TRDN: variants seen among roughly 807,000 people sequenced by gnomAD.
The protein encoded by TRDN is triadin in skeletal muscle.
TRDN carries 161 observed loss-of-function variants against 149.7 expected under a neutral mutation model. The ratio of observed to expected loss-of-function variants is 1.08; its 90% confidence interval spans 0.95 to 1.23. TRDN has a LOEUF of 1.23. Among genes scored for constraint, TRDN ranks in the 50% most tolerant of loss-of-function variants. The pLI, the probability that TRDN is intolerant of heterozygous loss-of-function variation, is 0.00. For synonymous variants in TRDN, 294 were observed against 250.5 expected, an observed-to-expected ratio of 1.17 and a Z score of -1.64; for missense variants, 896 against 823.5, an observed-to-expected ratio of 1.09 and a Z score of -1.08.
rs146647781 is a variant in TRDN at position 123,551,671 on chromosome 6, G to T, written c.233-3059C>A. Among the ~76,000 whole-genome samples, 20 of 151,856 alleles carry T rather than the reference G, an allele frequency of 1.3e-4. No individual in the cohort carries two copies. In the East Asian group the frequency reaches 3.7e-3, roughly 28 times the overall value. ...TCTTCTCAATAACCCAATGACATAG[G>T]TATATTATTTTATACCTTTTTTAAA... is the stretch of plus-strand genomic sequence containing the variant. On this transcript the variant is annotated intron_variant, in intron 2 of 40. Transcript: ENST00000334268.
At chr6:123,223,459 A>T (rs765283849) in intron 39 of TRDN, among the ~76,000 whole-genome samples, 9 of 151,822 alleles carry the variant, frequency 5.9e-5, no homozygotes, top group Admixed American at 5.9e-4. Context: ...TTTCTTTTTA[A>T]CATAATGCCT....
chr6:123,310,572 T>C (rs1357279064), intron 24 of TRDN, among the ~76,000 whole-genome samples: 1 of 151,982 alleles, frequency 6.6e-6, no homozygotes, highest in East Asian at 1.9e-4. Context: ...AGTCATTATA[T>C]GACAACTTAA....
chr6:123,502,615 T>C (rs1778747023), intron 8 of TRDN: 1 of 984,780 alleles, frequency 1.0e-6, no homozygotes, highest in African/African-American at 1.7e-5. Context: ...TACGAGTGCA[T>C]TGCAAATTTC....
At chr6:123,545,183 A>T (rs1781052123) in intron 4 of TRDN, among the ~76,000 whole-genome samples, 1 of 152,012 alleles carries the variant, frequency 6.6e-6, no homozygotes, top group African/African-American at 2.4e-5. Context: ...AGTCATTTAG[A>T]TGTGTAAAAA....
intron 4 of TRDN, among the ~76,000 whole-genome samples, chr6:123,533,540 G>A (rs1780355939): frequency 6.6e-6 from 1 of 152,084 alleles, no homozygotes; most frequent in African/African-American, 2.4e-5. Flanking sequence ...CAAGGTAGGT[G>A]TAAGTTTGCA....
chr6:123,631,318 T>G (rs1583351786), intron 1 of TRDN, among the ~76,000 whole-genome samples: 1 of 152,150 alleles, frequency 6.6e-6, no homozygotes, highest in Middle Eastern at 3.4e-3. Context: ...TTTTTAGAAC[T>G]ATTTTTTCTT....
intron 2 of TRDN, among the ~76,000 whole-genome samples, chr6:123,560,544 T>A (rs1781929736): frequency 6.6e-6 from 1 of 152,108 alleles, no homozygotes; most frequent in Admixed American, 6.5e-5. Flanking sequence ...ACAACGCTTA[T>A]CCTGATAAGG....
At chr6:123,552,653 A>G (rs182140933) in intron 2 of TRDN, among the ~76,000 whole-genome samples, 1 of 152,236 alleles carries the variant, frequency 6.6e-6, no homozygotes, top group East Asian at 1.9e-4. Flanking sequence ...TCTTCATCAT[A>G]TATTTTTGCA....
chr6:123,352,275 C>CTTCAGCA lies in TRDN; in HGVS notation c.1369+257_1369+263dup, dbSNP rs1465838547. 3 of 985,014 alleles carry CTTCAGCA rather than the reference C, an allele frequency of 3.0e-6. No individual in the cohort carries two copies. In the African/African-American group the frequency reaches 5.2e-5, roughly 17 times the overall value. 61.0% of individuals were successfully genotyped at this position (985,014 alleles called of 1,614,324 possible). On this transcript the variant is annotated intron_variant, in intron 21 of 40. Coordinates refer to ENST00000334268, the MANE Select transcript of TRDN (RefSeq NM_006073.4). ...GGATCATTGTCTTATTCCCAGCAAT[C>CTTCAGCA]TTCAGCATGTCCCCTGATGTAATTA...
At chr6:123,529,532 C>G (rs977602281) in intron 5 of TRDN, 1 of 617,378 alleles carries the variant, frequency 1.6e-6, no homozygotes, top group Non-Finnish European at 2.9e-6. Flanking sequence ...AAAACAACAG[C>G]AACAACATGG....
chr6:123,569,463 C>G (rs550432330), intron 2 of TRDN, among the ~76,000 whole-genome samples: 94 of 152,298 alleles, frequency 6.2e-4, no homozygotes, highest in African/African-American at 2.2e-3. Flanking sequence ...AGCAATACCC[C>G]ACTACTGGTG....
chr6:123,309,588 T>C (rs1778737927), intron 24 of TRDN, among the ~76,000 whole-genome samples: 1 of 151,992 alleles, frequency 6.6e-6, no homozygotes. Flanking sequence ...CATCATACTT[T>C]ATAGTAATTT....
chr6:123,381,038 G>C (rs1582944140), intron 16 of TRDN, among the ~76,000 whole-genome samples: 1 of 152,056 alleles, frequency 6.6e-6, no homozygotes, highest in African/African-American at 2.4e-5. Context: ...ATTTTCAAAG[G>C]ACTGACAACT....
At chr6:123,630,319 T>A (rs1785922468) in intron 1 of TRDN, among the ~76,000 whole-genome samples, 1 of 152,024 alleles carries the variant, frequency 6.6e-6, no homozygotes, top group South Asian at 2.1e-4. Flanking sequence ...AACCAAAAGC[T>A]TTACTGGAAA....
intron 10 of TRDN, among the ~76,000 whole-genome samples, chr6:123,444,480 A>G (rs1175100314): frequency 1.3e-5 from 2 of 150,558 alleles, no homozygotes; most frequent in Non-Finnish European, 2.9e-5. Context: ...GGACAATTTG[A>G]CTTCCTCTTT....
At position 123,547,456 on chromosome 6, in the gene TRDN, A is replaced by G. The variant is rs1260692576; in HGVS notation, c.392-84T>C. The G allele has an allele frequency of 3.7e-6, 3 of 809,150 alleles. No individual in the cohort carries two copies. In the Admixed American group the frequency reaches 1.2e-4, roughly 33 times the overall value. 50.1% of individuals were successfully genotyped at this position (809,150 alleles called of 1,614,324 possible). A position where few individuals can be genotyped will look rare whatever the true frequency, so the allele number is the denominator to read the frequency against. ...ACATCATTATTTTCCCCTTTTGTTT[A>G]TTTAAAAAAATCTATTAGTTTTAAC... On this transcript the variant is annotated intron_variant, in intron 3 of 40. Transcript: ENST00000334268.
At chr6:123,468,752 T>G (rs1776983331) in intron 9 of TRDN, 1 of 152,198 alleles carries the variant, frequency 6.6e-6, no homozygotes, top group Non-Finnish European at 1.5e-5. Flanking sequence ...CTACTCCCTC[T>G]GTCTTGTAAC....
chr6:123,600,528 C>T (rs1213424059), intron 1 of TRDN, among the ~76,000 whole-genome samples: 1 of 151,726 alleles, frequency 6.6e-6, no homozygotes, highest in Admixed American at 6.6e-5. Context: ...CAGTGGGGGC[C>T]TGAAAAAAGG....
At chr6:123,460,545 C>T (rs1406398372) in intron 10 of TRDN, among the ~76,000 whole-genome samples, 2 of 151,840 alleles carry the variant, frequency 1.3e-5, no homozygotes, top group African/African-American at 4.8e-5. Flanking sequence ...CTCCACAAAA[C>T]AAAGAAAAAT....
Sources: gnomAD v4.1 joint callset for allele counts (sites outside exome capture counted in the v4.1 genomes callset) on GRCh38, gnomAD v4.1.1 for gene constraint, MANE v1.5 for transcripts, NCBI Gene and HGNC (gene_info 2026-07-23, HGNC 2026-07-21) for gene names.